TSPAN11: variants seen among roughly 807,000 people sequenced by gnomAD.
TSPAN11 encodes tetraspanin-11.
TSPAN11 carries 29 observed loss-of-function variants against 32.9 expected under a neutral mutation model. The observed-to-expected ratio is 0.88, with a 90% CI of 0.66 to 1.20. The LOEUF (loss-of-function observed/expected upper bound fraction) is 1.20. Among genes scored for constraint, TSPAN11 ranks in the 50% most tolerant of loss-of-function variants. TSPAN11 has a pLI of 0.00. For synonymous variants in TSPAN11, 140 were observed against 141.3 expected, an observed-to-expected ratio of 0.99 and a Z score of 0.07; for missense variants, 283 against 329.1, an observed-to-expected ratio of 0.86 and a Z score of 1.08.
At chr12:30,940,602 A>T (rs1348894252) in intron 1 of TSPAN11, among the ~76,000 whole-genome samples, 1 of 152,154 alleles carries the variant, frequency 6.6e-6, no homozygotes, top group Non-Finnish European at 1.5e-5. Flanking sequence ...TTTTAAGTGA[A>T]TAGAAGCACT....
chr12:31,000,668 C>T (rs148595070), downstream of TSPAN11, among the ~76,000 whole-genome samples: 1,163 of 152,312 alleles, frequency 7.6e-3, 15 homozygotes, highest in African/African-American at 0.026. Flanking sequence ...TCATGTCTAA[C>T]GGTGAAAGTT....
At chr12:31,011,079 C>G in the TSPAN11 span, among the ~76,000 whole-genome samples, 1 of 152,194 alleles carries the variant, frequency 6.6e-6, no homozygotes, top group African/African-American at 2.4e-5. Flanking sequence ...TAAATTTGTT[C>G]TTGCTCTTGC....
intron 1 of TSPAN11, among the ~76,000 whole-genome samples, chr12:30,932,009 T>C (rs999384581): frequency 3.3e-5 from 5 of 151,618 alleles, no homozygotes; most frequent in African/African-American, 1.2e-4. Flanking sequence ...GTTCATTGAA[T>C]GGACATTTCA....
At chr12:30,949,636 AC>A (rs1340335059) in intron 1 of TSPAN11, among the ~76,000 whole-genome samples, 1 of 152,150 alleles carries the variant, frequency 6.6e-6, no homozygotes, top group Non-Finnish European at 1.5e-5. Flanking sequence ...TCTGGGAGAT[AC>A]AATTCAAGTT....
chr12:30,991,197 G>A (rs1939305997), intron 7 of TSPAN11, among the ~76,000 whole-genome samples: 1 of 152,172 alleles, frequency 6.6e-6, no homozygotes, highest in African/African-American at 2.4e-5. Flanking sequence ...TGAGCTTGGT[G>A]CTGCATTCTA....
At chr12:30,946,622 T>C (rs944515837) in intron 1 of TSPAN11, among the ~76,000 whole-genome samples, 1 of 152,168 alleles carries the variant, frequency 6.6e-6, no homozygotes, top group Non-Finnish European at 1.5e-5. Flanking sequence ...GCTCTGGGGA[T>C]CTGGGAAGGT....
chr12:31,000,475 G>T (rs557250350), downstream of TSPAN11, among the ~76,000 whole-genome samples: 1 of 152,192 alleles, frequency 6.6e-6, no homozygotes, highest in Non-Finnish European at 1.5e-5. Context: ...GCCTCTATAC[G>T]CATGCTTTTA....
At chr12:30,991,586 T>C (rs191952398) in intron 7 of TSPAN11, among the ~76,000 whole-genome samples, 288 of 152,298 alleles carry the variant, frequency 1.9e-3, no homozygotes, top group African/African-American at 6.3e-3. Flanking sequence ...CCCCAGATGA[T>C]TCATGCCCAT....
At chr12:30,941,809 C>T (rs1401272990) in intron 1 of TSPAN11, among the ~76,000 whole-genome samples, 1 of 152,252 alleles carries the variant, frequency 6.6e-6, no homozygotes, top group African/African-American at 2.4e-5. Context: ...CTCTTCCAAC[C>T]CCACCAAGGG....
rs1288808325 is a variant in TSPAN11 at position 30,975,300 on chromosome 12, G to T, written c.277-3261G>T. Among the ~76,000 whole-genome samples, 1 of 151,968 alleles carries T rather than the reference G, an allele frequency of 6.6e-6. No homozygotes were observed. The highest frequency in any genetic ancestry group is 1.5e-5 in the Non-Finnish European group (1 of 67,990). On this transcript the variant is annotated intron_variant, in intron 3 of 7. Coordinates refer to ENST00000546076, the MANE Select transcript of TSPAN11 (RefSeq NM_001370302.1). The surrounding 1 kb of genome is among the most constrained non-coding windows in gnomAD (Gnocchi z 4.5). ...ATGAGGGACCCTTTGCCTGCCTCCT[G>T]GGCCTGTCACACACCTGTCCAGGTG...
intron 1 of TSPAN11, among the ~76,000 whole-genome samples, chr12:30,946,804 G>C (rs1332897938): frequency 1.3e-5 from 2 of 152,178 alleles, no homozygotes; most frequent in African/African-American, 4.8e-5. Context: ...CGGAGGTGGG[G>C]GGTCTGGGGG....
At chr12:30,981,632 G>A (rs1405971682) in intron 5 of TSPAN11, among the ~76,000 whole-genome samples, 1 of 152,160 alleles carries the variant, frequency 6.6e-6, no homozygotes, top group African/African-American at 2.4e-5. Flanking sequence ...TCCTGGCCCT[G>A]GACAGAGCAT....
chr12:31,013,201 T>C, the TSPAN11 span, among the ~76,000 whole-genome samples: 1 of 152,118 alleles, frequency 6.6e-6, no homozygotes, highest in Non-Finnish European at 1.5e-5. Context: ...ATGAGTACAA[T>C]GATAAGGAGG....
At chr12:30,952,357 C>T (rs576680396) in intron 1 of TSPAN11, among the ~76,000 whole-genome samples, 13 of 152,286 alleles carry the variant, frequency 8.5e-5, no homozygotes, top group Middle Eastern at 3.4e-3. Flanking sequence ...ATCCCCTGGC[C>T]GACCCCATCC....
chr12:30,945,873 C>G (rs546261472), intron 1 of TSPAN11, among the ~76,000 whole-genome samples: 2 of 152,318 alleles, frequency 1.3e-5, no homozygotes, highest in Admixed American at 6.5e-5. Context: ...CTGGCTCCCC[C>G]TGAATCCCAG....
the TSPAN11 span, among the ~76,000 whole-genome samples, chr12:31,003,750 C>G: frequency 0.037 from 5,670 of 152,120 alleles, 183 homozygotes; most frequent in East Asian, 0.17. Flanking sequence ...TCCTTACCAG[C>G]AAGACCGGCC....
chr12:30,959,016 A>G (rs1300251407), intron 2 of TSPAN11, among the ~76,000 whole-genome samples: 1 of 152,160 alleles, frequency 6.6e-6, no homozygotes, highest in Non-Finnish European at 1.5e-5. Context: ...CTGCCCCTTT[A>G]AAAATCAAAA....
At chr12:30,930,773 C>G (rs923684118) in intron 1 of TSPAN11, among the ~76,000 whole-genome samples, 7 of 152,198 alleles carry the variant, frequency 4.6e-5, no homozygotes, top group African/African-American at 1.7e-4. Flanking sequence ...CTGTAGTAGT[C>G]AGGGGGTCTG....
intron 1 of TSPAN11, among the ~76,000 whole-genome samples, chr12:30,947,990 C>G (rs981227716): frequency 6.6e-6 from 1 of 152,116 alleles, no homozygotes; most frequent in South Asian, 2.1e-4. Flanking sequence ...ACAGCCATTC[C>G]AAATGGGAGA....
Sources: gnomAD v4.1 joint callset for allele counts (sites outside exome capture counted in the v4.1 genomes callset) on GRCh38, gnomAD v4.1.1 for gene constraint, Gnocchi (gnomAD v3.1) non-coding constraint, MANE v1.5 for transcripts, NCBI Gene and HGNC (gene_info 2026-07-23, HGNC 2026-07-21) for gene names.